Variants in TOR1AIP2 observed in about 807,000 individuals in gnomAD.
TOR1AIP2 encodes the protein torsin 1A interacting protein 2, also known as torsin-1A-interacting protein 2.
In TOR1AIP2, 20 loss-of-function variants were observed where a neutral mutation model predicts 32.6. The ratio of observed to expected loss-of-function variants is 0.61; its 90% CI spans 0.43 to 0.89. TOR1AIP2 has a LOEUF of 0.89. TOR1AIP2 is among the 40% of genes least tolerant of loss of function. The pLI is 0.00. For synonymous variants in TOR1AIP2, 214 were observed against 210.8 expected, an observed-to-expected ratio of 1.02 and a Z score of -0.13; for missense variants, 456 against 553.8, an observed-to-expected ratio of 0.82 and a Z score of 1.77.
At chr1:179,861,763 A>T in intron 3 of TOR1AIP2, 1 of 985,458 alleles carries the variant, frequency 1.0e-6, no homozygotes, top group Non-Finnish European at 1.2e-6. Context: ...TTTAAGCCAG[A>T]TAAGTAAACA....
intron 5 of TOR1AIP2, 28 bp downstream of exon 5, chr1:179,850,817 A>C: frequency 6.2e-7 from 1 of 1,601,776 alleles, no homozygotes; most frequent in Non-Finnish European, 8.5e-7. Context: ...AGTACAAAAC[A>C]GGAGAGTAGT....
chr1:179,858,823 G>A (rs760403670), intron 3 of TOR1AIP2, among the ~76,000 whole-genome samples: 33 of 152,230 alleles, frequency 2.2e-4, no homozygotes, highest in African/African-American at 4.1e-4. Context: ...TTGCCATGGC[G>A]ACCAGTGAAA....
At position 179,845,490 on chromosome 1, in the gene TOR1AIP2, A is replaced by G. The variant is rs1358239014; in HGVS notation, c.*581T>C. ...AATAAAAGCACAGTGCCTTACATGTAGTATTTAGGTAGGTACTTAATGGTT... is the reference window on the plus strand; with the variant it reads ...AATAAAAGCACAGTGCCTTACATGTGGTATTTAGGTAGGTACTTAATGGTT... On this transcript the variant is annotated 3_prime_UTR_variant, in exon 7 of 7. Transcript: ENST00000609928. 6.6e-6 allele frequency: 1 copy of G among 152,260 alleles called. No homozygotes were observed. Among genetic ancestry groups the G allele is most frequent in the Non-Finnish European group, 1.5e-5 (1 of 68,062 alleles). The allele number at this position is 152,260 out of a possible 1,614,324, so 9.4% of individuals were successfully genotyped here. A position where few individuals can be genotyped will look rare whatever the true frequency, so the allele number is the denominator to read the frequency against.
intron 3 of TOR1AIP2, chr1:179,859,024 T>C (rs1210626600): frequency 5.1e-6 from 5 of 980,414 alleles, no homozygotes; most frequent in Non-Finnish European, 4.8e-6. Flanking sequence ...TGTATGACAG[T>C]TGGGGTAGAA....
intron 3 of TOR1AIP2, chr1:179,858,962 A>C (rs1196887879): frequency 1.1e-6 from 1 of 920,758 alleles, no homozygotes; most frequent in Non-Finnish European, 1.3e-6. Context: ...AGAGCACAAA[A>C]GAATCAGCCA....
At chr1:179,861,761 A>T in intron 3 of TOR1AIP2, 1 of 985,472 alleles carries the variant, frequency 1.0e-6, no homozygotes, top group Non-Finnish European at 1.2e-6. Flanking sequence ...CTTTTAAGCC[A>T]GATAAGTAAA....
At chr1:179,854,801 G>A (rs1696236991) in intron 3 of TOR1AIP2, among the ~76,000 whole-genome samples, 1 of 152,162 alleles carries the variant, frequency 6.6e-6, no homozygotes, top group Non-Finnish European at 1.5e-5. Context: ...AACCCGGGAG[G>A]CAGAGGTTGC....
At chr1:179,876,412 G>A (rs954769163) in intron 2 of TOR1AIP2, among the ~76,000 whole-genome samples, 2 of 152,102 alleles carry the variant, frequency 1.3e-5, no homozygotes, top group African/African-American at 4.8e-5. Context: ...AATGAGTCAC[G>A]CAAGGTTGCG....
chr1:179,841,630 AG>A lies in TOR1AIP2; in HGVS notation c.*4440del, dbSNP rs1302436816. ...GACCCTGTCTTTAAAACAAAAAGAA[AG>A]TACTTCTCTGCAAGTAAATTTTATG... On this transcript the variant is annotated 3_prime_UTR_variant, in exon 7 of 7. Coordinates refer to ENST00000609928, the MANE Select transcript of TOR1AIP2 (RefSeq NM_001199260.2). The A allele has an allele frequency of 6.6e-6, 1 of 152,218 alleles. No homozygotes were observed. Among genetic ancestry groups the A allele is most frequent in the African/African-American group, 2.4e-5 (1 of 41,460 alleles). 9.4% of individuals were successfully genotyped at this position (152,218 alleles called of 1,614,324 possible).
At chr1:179,866,178 A>T (rs1696762272) in intron 2 of TOR1AIP2, among the ~76,000 whole-genome samples, 1 of 152,094 alleles carries the variant, frequency 6.6e-6, no homozygotes. Context: ...CTTCTGTGAA[A>T]TGGGTGCCAC....
chr1:179,846,334 G>A lies in TOR1AIP2; in HGVS notation c.1150C>T (p.His384Tyr). Reference protein sequence around the residue: ...STLIFYKYCDHENAAFKDVAL... With the variant: ...STLIFYKYCDYENAAFKDVAL... ...ACATCTTTAAAGGCAGCATTCTCAT[G>A]ATCACAATACTTATAGAAGATCAAA... The change falls in exon 7 of 7, where the codon CAT (histidine) becomes TAT (tyrosine). Residue 384 changes from histidine (H) to tyrosine (Y), a missense_variant. Transcript: ENST00000609928. 2 of 1,614,206 alleles carry A rather than the reference G, an allele frequency of 1.2e-6. No individual in the cohort carries two copies. Among genetic ancestry groups the A allele is most frequent in the East Asian group, 2.2e-5 (1 of 44,896 alleles).
At chr1:179,853,254 C>T (rs1384473821) in intron 3 of TOR1AIP2, among the ~76,000 whole-genome samples, 2 of 152,240 alleles carry the variant, frequency 1.3e-5, no homozygotes, top group Non-Finnish European at 2.9e-5. Flanking sequence ...TAACAATGCA[C>T]AGGAGGTTCC....
Position 179,842,770 on chromosome 1 carries a change from T to A in TOR1AIP2, c.*3301A>T, listed in dbSNP as rs1571644462. The A allele has an allele frequency of 6.6e-6, 1 of 152,044 alleles. No individual in the cohort carries two copies. Among genetic ancestry groups the A allele is most frequent in the South Asian group, 2.1e-4 (1 of 4,826 alleles). The allele number at this position is 152,044 out of a possible 1,614,324, so 9.4% of individuals were successfully genotyped here. A position where few individuals can be genotyped will look rare whatever the true frequency, so the allele number is the denominator to read the frequency against. ...CCTTAAAAAATGTCAATAGGCCGGG[T>A]GCGGTGGCTCACGCCTGTAATCCCA... On this transcript the variant is annotated 3_prime_UTR_variant, in exon 7 of 7. Transcript: ENST00000609928.
rs1318315100 is a variant in TOR1AIP2, at chr1:179,843,753, T to C, written c.*2318A>G. On this transcript the variant is annotated 3_prime_UTR_variant, in exon 7 of 7. Transcript: ENST00000609928. ...GGAGGATTGCTTGAGCCCAGGAGTT[T>C]AAAGCTACAGTGAGCTATGATCAAG... is the stretch of plus-strand genomic sequence containing the variant. The C allele has an allele frequency of 1.5e-5, 2 of 137,506 alleles. No homozygotes were observed. Among genetic ancestry groups the C allele is most frequent in the Non-Finnish European group, 3.0e-5 (2 of 66,170 alleles). The allele number at this position is 137,506 out of a possible 1,614,324, so 8.5% of individuals were successfully genotyped here.
At chr1:179,854,908 G>T (rs752449051) in intron 3 of TOR1AIP2, among the ~76,000 whole-genome samples, 1 of 151,934 alleles carries the variant, frequency 6.6e-6, no homozygotes, top group Non-Finnish European at 1.5e-5. Context: ...AGTAATAAAA[G>T]CAATGGAACA....
rs1022291703 is a variant in TOR1AIP2 at position 179,843,894 on chromosome 1, T to C, written c.*2177A>G. ...TGACAACACCCTCAATTGATTGCAC[T>C]ATACATGGAAGGGAAAATGTTTTTA... On this transcript the variant is annotated 3_prime_UTR_variant, in exon 7 of 7. Coordinates refer to ENST00000609928, the MANE Select transcript of TOR1AIP2 (RefSeq NM_001199260.2). The C allele has an allele frequency of 2.0e-5, 3 of 150,910 alleles. No homozygotes were observed. Among genetic ancestry groups the C allele is most frequent in the Admixed American group, 2.0e-4 (3 of 15,142 alleles). The allele number at this position is 150,910 out of a possible 1,614,324, so 9.3% of individuals were successfully genotyped here. A position where few individuals can be genotyped will look rare whatever the true frequency, so the allele number is the denominator to read the frequency against.
chr1:179,852,355 A>G (rs546971746), intron 4 of TOR1AIP2, among the ~76,000 whole-genome samples: 3 of 152,236 alleles, frequency 2.0e-5, no homozygotes, highest in Non-Finnish European at 2.9e-5. Context: ...AGATTTGTCT[A>G]CCATCATTTT....
chr1:179,861,234 C>T (rs991077430), intron 3 of TOR1AIP2: 1 of 985,258 alleles, frequency 1.0e-6, no homozygotes, highest in Non-Finnish European at 1.2e-6. Context: ...GATCATTTGT[C>T]ATTACAATTA....
At chr1:179,847,456 T>C in intron 6 of TOR1AIP2, 79 bp downstream of exon 6, 1 of 928,760 alleles carries the variant, frequency 1.1e-6, no homozygotes, top group East Asian at 2.4e-5. Flanking sequence ...ACTGTTTAAA[T>C]CTGCTAGTTT....
Sources: allele counts gnomAD v4.1 joint callset (sites outside exome capture counted in the v4.1 genomes callset), GRCh38; gene constraint gnomAD v4.1.1; transcripts MANE v1.5; gene names NCBI Gene and HGNC (gene_info 2026-07-23, HGNC 2026-07-21).